ANKFN1: variants seen among roughly 807,000 people sequenced by gnomAD.
The protein encoded by ANKFN1 is ankyrin repeat and fibronectin type III domain containing 1.
In ANKFN1, 74 loss-of-function variants were observed where a neutral mutation model predicts 108.7. The ratio of observed to expected loss-of-function variants is 0.68; its 90% CI spans 0.56 to 0.83. The LOEUF (loss-of-function observed/expected upper bound fraction) is 0.83, where lower values mean the gene tolerates loss of function less well. ANKFN1 is among the 40% of genes least tolerant of loss of function. ANKFN1 has a pLI of 0.00. For missense variants in ANKFN1, 1,505 were observed against 1,382.3 expected (o/e 1.09, Z -1.41); for synonymous variants, 547 against 516.2 (o/e 1.06, Z -0.81).
chr17:56,200,335 G>T (rs1913936748), intron 1 of ANKFN1, among the ~76,000 whole-genome samples: 1 of 152,176 alleles, frequency 6.6e-6, no homozygotes, highest in Non-Finnish European at 1.5e-5. Flanking sequence ...GGAATCAAGA[G>T]ACCCAGAATC....
intron 4 of ANKFN1, among the ~76,000 whole-genome samples, chr17:56,075,400 A>G (rs1905169848): frequency 6.6e-6 from 1 of 152,158 alleles, no homozygotes; most frequent in Admixed American, 6.5e-5. Flanking sequence ...TGCCCAAACT[A>G]GAGTATGCTA....
chr17:56,217,807 C>A (rs7211805), intron 2 of ANKFN1, among the ~76,000 whole-genome samples: 1 of 151,866 alleles, frequency 6.6e-6, no homozygotes, highest in African/African-American at 2.4e-5. Context: ...CTTGTCTTTC[C>A]CCAGTTAAGG....
At chr17:56,114,760 T>A (rs1315279619) in intron 4 of ANKFN1, among the ~76,000 whole-genome samples, 2 of 152,168 alleles carry the variant, frequency 1.3e-5, no homozygotes, top group Non-Finnish European at 2.9e-5. Context: ...AGAGAGATTA[T>A]CCTATATTAT....
intron 16 of ANKFN1, among the ~76,000 whole-genome samples, chr17:56,479,329 T>C (rs1446080352): frequency 6.6e-6 from 1 of 152,224 alleles, no homozygotes; most frequent in Non-Finnish European, 1.5e-5. Flanking sequence ...ACAAACGCTA[T>C]GTTAGCCACG....
intron 3 of ANKFN1, among the ~76,000 whole-genome samples, chr17:56,261,445 T>C (rs1440607371): frequency 6.6e-6 from 1 of 152,146 alleles, no homozygotes; most frequent in East Asian, 1.9e-4. Flanking sequence ...GATAAATGTA[T>C]ATATGAAAGG....
intron 4 of ANKFN1, among the ~76,000 whole-genome samples, chr17:56,345,557 G>A (rs974671893): frequency 6.6e-6 from 1 of 152,114 alleles, no homozygotes; most frequent in Non-Finnish European, 1.5e-5. Context: ...AGCATCTGTT[G>A]TTTCAGGACT....
At chr17:56,115,871 A>AG (rs1468705140) in intron 4 of ANKFN1, among the ~76,000 whole-genome samples, 1 of 152,176 alleles carries the variant, frequency 6.6e-6, no homozygotes, top group East Asian at 1.9e-4. Flanking sequence ...CTGGTCCTAC[A>AG]GGGGAACGGC....
chr17:56,365,993 G>A (rs957342261), intron 6 of ANKFN1, among the ~76,000 whole-genome samples: 5 of 152,218 alleles, frequency 3.3e-5, no homozygotes, highest in Non-Finnish European at 7.4e-5. Flanking sequence ...CTAGAAGAAG[G>A]CATTGTTACC....
At chr17:56,303,163 C>G (rs1393369077) in intron 3 of ANKFN1, among the ~76,000 whole-genome samples, 1 of 152,128 alleles carries the variant, frequency 6.6e-6, no homozygotes, top group African/African-American at 2.4e-5. Flanking sequence ...GGACTTCATC[C>G]CTAGGGAATC....
chr17:56,455,089 G>C (rs1384526148), intron 11 of ANKFN1, among the ~76,000 whole-genome samples: 1 of 152,138 alleles, frequency 6.6e-6, no homozygotes, highest in East Asian at 1.9e-4. Flanking sequence ...GAGTGAATCA[G>C]ATCACTTCTG....
chr17:56,311,511 G>A (rs944064556), intron 3 of ANKFN1, among the ~76,000 whole-genome samples: 1 of 152,148 alleles, frequency 6.6e-6, no homozygotes, highest in Non-Finnish European at 1.5e-5. Context: ...ATTAATGTAT[G>A]TCATTTTTTT....
chr17:56,253,458 C>A (rs1477384546), intron 3 of ANKFN1, among the ~76,000 whole-genome samples: 2 of 152,178 alleles, frequency 1.3e-5, no homozygotes, highest in East Asian at 3.8e-4. Flanking sequence ...AGAAGCCAGG[C>A]CGGGCGCAAT....
At chr17:56,371,013 T>C (rs2046798137) in intron 6 of ANKFN1, among the ~76,000 whole-genome samples, 2 of 152,068 alleles carry the variant, frequency 1.3e-5, no homozygotes, top group Non-Finnish European at 1.5e-5. Flanking sequence ...CCACAGCACT[T>C]ATATTATCAT....
intron 4 of ANKFN1, among the ~76,000 whole-genome samples, chr17:56,114,954 A>G (rs182318433): frequency 6.6e-6 from 1 of 152,324 alleles, no homozygotes; most frequent in Non-Finnish European, 1.5e-5. Context: ...AGCCCCCGGA[A>G]GCTGGAAAAG....
intron 8 of ANKFN1, among the ~76,000 whole-genome samples, chr17:56,391,662 G>A (rs1040497827): frequency 3.3e-5 from 5 of 151,852 alleles, no homozygotes; most frequent in South Asian, 2.1e-4. Context: ...TCCTGACCTC[G>A]TGATCCACCC....
At chr17:56,162,596 A>G (rs1909765043) in intron 1 of ANKFN1, among the ~76,000 whole-genome samples, 2 of 152,208 alleles carry the variant, frequency 1.3e-5, no homozygotes, top group Non-Finnish European at 2.9e-5. Context: ...AAATAGAATT[A>G]TATTCTGAAG....
chr17:56,078,646 A>G (rs1188145429), intron 4 of ANKFN1, among the ~76,000 whole-genome samples: 1 of 152,190 alleles, frequency 6.6e-6, no homozygotes, highest in Non-Finnish European at 1.5e-5. Context: ...TCTTATTATT[A>G]TTCTCATAAT....
intron 4 of ANKFN1, among the ~76,000 whole-genome samples, chr17:56,096,442 A>AAGTGCTTT (rs1905536326): frequency 6.6e-6 from 1 of 152,316 alleles, no homozygotes; most frequent in South Asian, 2.1e-4. Flanking sequence ...AATAGTCCCA[A>AAGTGCTTT]AGTGCTTTAG....
chr17:56,457,171 T>C, intron 12 of ANKFN1, 86 bp from the exon 13 acceptor site: 1 of 1,359,818 alleles, frequency 7.4e-7, no homozygotes, highest in South Asian at 1.5e-5. Context: ...CCTAGGTATA[T>C]TTTAAATTCA....
Sources: gnomAD v4.1 joint callset for allele counts (sites outside exome capture counted in the v4.1 genomes callset) on GRCh38, gnomAD v4.1.1 for gene constraint, MANE v1.5 for transcripts, NCBI Gene and HGNC (gene_info 2026-07-23, HGNC 2026-07-21) for gene names.